The following DPP6 variants were observed in gnomAD, a reference collection of about 807,000 sequenced individuals.
DPP6 encodes dipeptidyl peptidase like 6.
In DPP6, 69 loss-of-function variants were observed where a neutral mutation model predicts 122.6. The observed-to-expected ratio is 0.56, with a 90% CI of 0.46 to 0.69. DPP6 has a LOEUF of 0.69. Among genes scored for constraint, DPP6 ranks in the 30% least tolerant of loss-of-function variants. DPP6 has a pLI of 0.00. For missense variants in DPP6, 928 were observed against 1,116.9 expected, an observed-to-expected ratio of 0.83 and a Z score of 2.41; for synonymous variants, 418 against 433.1, an observed-to-expected ratio of 0.97 and a Z score of 0.43.
chr7:154,883,446 AC>A (rs1805638014), intron 21 of DPP6: 2 of 148,444 alleles, frequency 1.3e-5, no homozygotes, highest in African/African-American at 5.0e-5. Flanking sequence ...ACATTCACAC[AC>A]ATGCTCACCC....
intron 1 of DPP6, among the ~76,000 whole-genome samples, chr7:154,358,013 G>A (rs1389325986): frequency 6.6e-6 from 1 of 151,844 alleles, no homozygotes; most frequent in Non-Finnish European, 1.5e-5. Flanking sequence ...CTTGAATTAT[G>A]TCAGTGGTGT....
chr7:154,668,396 A>G (rs1364833926), intron 6 of DPP6, among the ~76,000 whole-genome samples: 1 of 150,542 alleles, frequency 6.6e-6, no homozygotes, highest in East Asian at 2.0e-4. Context: ...AATTTTTTAT[A>G]TTTTTAGTAG....
intron 1 of DPP6, among the ~76,000 whole-genome samples, chr7:154,069,669 A>G (rs1802978770): frequency 6.7e-6 from 1 of 149,042 alleles, no homozygotes; most frequent in South Asian, 2.2e-4. Flanking sequence ...AGTTAGATGA[A>G]TTAATCAAGT....
intron 1 of DPP6, among the ~76,000 whole-genome samples, chr7:154,436,511 G>A (rs536757563): frequency 6.6e-6 from 1 of 152,074 alleles, no homozygotes; most frequent in African/African-American, 2.4e-5. Context: ...CTCCCACCGC[G>A]TGCAAGTGTA....
intron 1 of DPP6, among the ~76,000 whole-genome samples, chr7:154,286,806 T>TC (rs35659219): frequency 0.15 from 21,688 of 146,602 alleles, 1,869 homozygotes; most frequent in Non-Finnish European, 0.2. Context: ...GATTTCTTCT[T>TC]TTTTTTTTTT....
chr7:154,306,480 A>G (rs773542860), intron 1 of DPP6, among the ~76,000 whole-genome samples: 1 of 152,164 alleles, frequency 6.6e-6, no homozygotes, highest in African/African-American at 2.4e-5. Context: ...GACTTCTCCT[A>G]TTTATTTTAG....
chr7:153,787,824 T>A, the DPP6 span, among the ~76,000 whole-genome samples: 1 of 118,070 alleles, frequency 8.5e-6, no homozygotes, highest in Non-Finnish European at 1.7e-5. Flanking sequence ...ATTTTAATAG[T>A]GATTTACAAT....
At chr7:153,864,321 C>A in the DPP6 span, among the ~76,000 whole-genome samples, 2 of 152,110 alleles carry the variant, frequency 1.3e-5, no homozygotes, top group Admixed American at 6.6e-5. Flanking sequence ...AGTTGATACT[C>A]CCTTGTAGAA....
rs1211522811 is a variant in DPP6, at chr7:154,892,692, A to T, written c.*212A>T. 6.7e-6 allele frequency: 7 copies of T among 1,038,944 alleles called. No homozygotes were observed. Among genetic ancestry groups the T allele is most frequent in the Admixed American group, 1.8e-5 (1 of 57,108 alleles). 64.4% of individuals were successfully genotyped at this position (1,038,944 alleles called of 1,614,324 possible). A position where few individuals can be genotyped will look rare whatever the true frequency, so the allele number is the denominator to read the frequency against. On this transcript the variant is annotated 3_prime_UTR_variant, in exon 26 of 26. Transcript: ENST00000377770. ...CACGGCCTCCATGGCACCAGGGACA[A>T]CGCTGTCCCCGCAGCAGCGCCTCCT...
At chr7:154,762,342 T>G (rs1173944273) in intron 8 of DPP6, among the ~76,000 whole-genome samples, 2 of 152,172 alleles carry the variant, frequency 1.3e-5, no homozygotes, top group African/African-American at 4.8e-5. Flanking sequence ...GAAAATACAG[T>G]GTGCCACACT....
intron 1 of DPP6, among the ~76,000 whole-genome samples, chr7:153,932,567 A>G (rs115910173): frequency 0.01 from 1,536 of 152,256 alleles, 26 homozygotes; most frequent in African/African-American, 0.035. Flanking sequence ...GTCTTCTCTC[A>G]TGTGTGGCAA....
intron 1 of DPP6, among the ~76,000 whole-genome samples, chr7:153,957,529 A>T (rs1466873809): frequency 2.0e-5 from 3 of 152,190 alleles, no homozygotes; most frequent in Non-Finnish European, 4.4e-5. Flanking sequence ...ACTGTTTTTC[A>T]TATGAGATGC....
chr7:154,758,249 C>T (rs117226850), intron 8 of DPP6, among the ~76,000 whole-genome samples: 1,596 of 152,300 alleles, frequency 0.01, 78 homozygotes, highest in Admixed American at 0.085. Flanking sequence ...GGCCGGGAAA[C>T]AGGCCGTGGA....
chr7:154,028,533 T>C (rs1799064358), intron 1 of DPP6, among the ~76,000 whole-genome samples: 1 of 151,782 alleles, frequency 6.6e-6, no homozygotes, highest in East Asian at 1.9e-4. Flanking sequence ...CCTATGCACA[T>C]GCTCCCCCTG....
intron 16 of DPP6, among the ~76,000 whole-genome samples, chr7:154,834,011 A>G (rs994909420): frequency 1.3e-5 from 2 of 152,120 alleles, no homozygotes; most frequent in Non-Finnish European, 2.9e-5. Flanking sequence ...CAGTGAGGTC[A>G]TCAGCACCGT....
rs569128846 is a variant in DPP6, at chr7:154,733,593, G to T, written c.883+5706G>T. On this transcript the variant is annotated intron_variant, in intron 8 of 25. Transcript: ENST00000377770. ...AGATAAATTTGAGTTAATGAATTTT[G>T]GGGGTGGGGCAATTCCATGCTTTAT... is the stretch of plus-strand genomic sequence containing the variant. Among the ~76,000 whole-genome samples the T allele has an allele frequency of 9.2e-5, 14 of 152,332 alleles. 1 individual carries two copies. The South Asian group carries it at 2.9e-3, about 32-fold the overall frequency.
intron 1 of DPP6, among the ~76,000 whole-genome samples, chr7:154,343,487 C>G (rs1810105492): frequency 6.6e-6 from 1 of 152,244 alleles, no homozygotes; most frequent in Non-Finnish European, 1.5e-5. Flanking sequence ...CACACCCGTG[C>G]ACATGTAGGA....
chr7:154,113,430 C>CACACACAT (rs1806747589), intron 1 of DPP6, among the ~76,000 whole-genome samples: 1 of 149,514 alleles, frequency 6.7e-6, no homozygotes, highest in African/African-American at 2.5e-5. Flanking sequence ...CACACACACA[C>CACACACAT]ATACACACAA....
intron 13 of DPP6, among the ~76,000 whole-genome samples, chr7:154,802,725 T>A (rs577621974): frequency 6.6e-6 from 1 of 151,634 alleles, no homozygotes; most frequent in South Asian, 2.1e-4. Context: ...TAGTCCCAGC[T>A]ACTTGGGAGA....
Sources: allele counts gnomAD v4.1 joint callset (sites outside exome capture counted in the v4.1 genomes callset), GRCh38; gene constraint gnomAD v4.1.1; transcripts MANE v1.5; gene names NCBI Gene and HGNC (gene_info 2026-07-23, HGNC 2026-07-21).